The following RFWD3 variants were observed in gnomAD, a reference collection of about 807,000 sequenced individuals.
The protein encoded by RFWD3 is E3 ubiquitin-protein ligase RFWD3.
A neutral mutation model predicts 87.7 loss-of-function variants in RFWD3; 65 were observed. That is an observed-to-expected ratio of 0.74 (90% CI 0.61 to 0.91). The LOEUF (loss-of-function observed/expected upper bound fraction) is 0.91, where lower values mean the gene tolerates loss of function less well. RFWD3 is among the 40% of genes least tolerant of loss of function. The pLI, the probability that RFWD3 is intolerant of heterozygous loss-of-function variation, is 0.00. For missense variants in RFWD3, 1,078 were observed against 938.5 expected (o/e 1.15, Z -1.94); for synonymous variants, 433 against 352.8 (o/e 1.23, Z -2.55).
At chr16:74,665,081 T>C (rs2144390621) in intron 1 of RFWD3, among the ~76,000 whole-genome samples, 1 of 152,260 alleles carries the variant, frequency 6.6e-6, no homozygotes, top group African/African-American at 2.4e-5. Context: ...CAGGTTTCAA[T>C]CAATGGCCAC....
At chr16:74,655,654 C>CT (rs1184429679) in intron 2 of RFWD3, among the ~76,000 whole-genome samples, 2 of 151,534 alleles carry the variant, frequency 1.3e-5, no homozygotes, top group African/African-American at 2.4e-5. Context: ...GAGTCTCGCT[C>CT]TGTCACCCAG....
intron 8 of RFWD3, 113 bp from the exon 9 acceptor site, chr16:74,632,786 G>C: frequency 1.1e-6 from 1 of 926,764 alleles, no homozygotes; most frequent in Non-Finnish European, 1.6e-6. Flanking sequence ...AAGTCCTTGG[G>C]AACCAGCTGG....
At chr16:74,655,292 T>C (rs897629599) in intron 2 of RFWD3, among the ~76,000 whole-genome samples, 1 of 151,796 alleles carries the variant, frequency 6.6e-6, no homozygotes, top group Non-Finnish European at 1.5e-5. Context: ...CAGGTTAGAG[T>C]GCAGTGGCGT....
At position 74,652,065 on chromosome 16, in the gene RFWD3, T is replaced by C. The variant is rs759277374; in HGVS notation, c.576A>G (p.Pro192=). 29 of 1,614,168 alleles carry C rather than the reference T, an allele frequency of 1.8e-5. No individual in the cohort carries two copies. Among genetic ancestry groups the C allele is most frequent in the Non-Finnish European group, 2.5e-5 (29 of 1,180,038 alleles). ...TAGTCTCTGAATCATAAGTGGTAGC[T>C]GGCAAGTCAGGCTGGGTCCTGCTCA... ...FQVSRTQPDL[P]ATTYDSETRN... The change falls in exon 3 of 13, where the codon CCA becomes CCG. Residue 192 remains proline (P), a synonymous_variant. Coordinates refer to ENST00000361070, the MANE Select transcript of RFWD3 (RefSeq NM_018124.4).
intron 10 of RFWD3, 25 bp downstream of exon 10, chr16:74,630,756 A>T: frequency 6.4e-7 from 1 of 1,557,382 alleles, no homozygotes; most frequent in Non-Finnish European, 8.7e-7. Context: ...TGCTACCACC[A>T]GGAAAAGAGT....
Position 74,661,443 on chromosome 16 carries a change from G to T in RFWD3, c.7C>A (p.His3Asn). Residue 3 changes from histidine (H) to asparagine (N), a missense_variant, in exon 2 of 13, where the codon CAT (histidine) becomes AAT (asparagine). By Grantham distance (68) the His-to-Asn change is moderately conservative (BLOSUM62 1). Coordinates refer to ENST00000361070, the MANE Select transcript of RFWD3 (RefSeq NM_018124.4). MA[H>N]EAMEYDVQVQ... ...TGAACATCATATTCCATTGCTTCAT[G>T]AGCCATCACTAGAGAAACAGTATTT... is the stretch of plus-strand genomic sequence containing the variant. 1 of 1,606,310 alleles carries T rather than the reference G, an allele frequency of 6.2e-7. No homozygotes were observed. The highest frequency in any genetic ancestry group is 1.7e-5 in the Admixed American group (1 of 57,986).
intron 2 of RFWD3, among the ~76,000 whole-genome samples, chr16:74,655,752 T>C (rs1410933744): frequency 6.6e-6 from 1 of 151,998 alleles, no homozygotes; most frequent in Non-Finnish European, 1.5e-5. Flanking sequence ...CTCACCCATC[T>C]CCTGACCTCG....
rs764074597 is a variant in RFWD3, at chr16:74,626,387, T to G, written c.2137A>C (p.Asn713His). The G allele has an allele frequency of 2.5e-6, 4 of 1,614,128 alleles. No homozygotes were observed. Among genetic ancestry groups the G allele is most frequent in the Non-Finnish European group, 3.4e-6 (4 of 1,180,042 alleles). Residue 713 changes from asparagine (N) to histidine (H), a missense_variant, in exon 12 of 13, where the codon AAC becomes CAC. By Grantham distance (68) the Asn-to-His change is moderately conservative. Transcript: ENST00000361070. ...TCATCCCCAGTACACACCAGGATGT[T>G]GCCATCATTCTCTGGGCTTTGGAAA... ...AIFQSPENDG[N>H]ILVCTGDEAA...
chr16:74,652,078 T>A lies in RFWD3; in HGVS notation c.563A>T (p.Gln188Leu), dbSNP rs764326136. The change falls in exon 3 of 13, where the codon CAG (glutamine) becomes CTG (leucine). Residue 188 changes from glutamine (Q) to leucine (L), a missense_variant. Transcript: ENST00000361070. The stretch of plus-strand genomic sequence containing the variant: ...ATAAGTGGTAGCTGGCAAGTCAGGC[T>A]GGGTCCTGCTCACCTGAAAGTAAGC... ...LDAYFQVSRTQPDLPATTYDS... is the reference protein window; with the variant it reads ...LDAYFQVSRTLPDLPATTYDS... 2 of 1,614,174 alleles carry A rather than the reference T, an allele frequency of 1.2e-6. No individual in the cohort carries two copies. Among genetic ancestry groups the A allele is most frequent in the Non-Finnish European group, 1.7e-6 (2 of 1,180,032 alleles).
intron 3 of RFWD3, among the ~76,000 whole-genome samples, chr16:74,651,614 G>C (rs1302624511): frequency 6.6e-6 from 1 of 152,104 alleles, no homozygotes; most frequent in Non-Finnish European, 1.5e-5. Context: ...GACAGAGCCA[G>C]ACCTTGCCTC....
At chr16:74,624,154 A>T (rs1220399943) in intron 12 of RFWD3, 83 bp from the exon 13 acceptor site, 6 of 1,489,342 alleles carry the variant, frequency 4.0e-6, no homozygotes, top group Non-Finnish European at 5.4e-6. Context: ...AACAAGTCTG[A>T]AAGGCTGCAG....
intron 9 of RFWD3, 30 bp downstream of exon 9, chr16:74,632,493 A>C: frequency 6.2e-7 from 1 of 1,611,886 alleles, no homozygotes; most frequent in Non-Finnish European, 8.5e-7. Flanking sequence ...CAAAGAGCCC[A>C]GTCTCCACCT....
At chr16:74,639,286 C>A (rs1440678298) in intron 6 of RFWD3, among the ~76,000 whole-genome samples, 3 of 152,182 alleles carry the variant, frequency 2.0e-5, no homozygotes, top group African/African-American at 7.2e-5. Context: ...GATCCACCTG[C>A]CTCAGCCTCC....
At chr16:74,638,032 G>A in intron 6 of RFWD3, 62 bp from the exon 7 acceptor site, 1 of 1,098,946 alleles carries the variant, frequency 9.1e-7, no homozygotes, top group African/African-American at 1.5e-5. Context: ...TTCCCATCCA[G>A]GTGGCAGAGT....
chr16:74,646,404 T>A (rs1262670069), intron 4 of RFWD3, among the ~76,000 whole-genome samples: 1 of 151,974 alleles, frequency 6.6e-6, no homozygotes. Context: ...ATGATTTATA[T>A]AAAGAAAAAA....
At chr16:74,649,039 A>T (rs1369195014) in intron 4 of RFWD3, 93 bp downstream of exon 4, 6 of 717,004 alleles carry the variant, frequency 8.4e-6, no homozygotes, top group Non-Finnish European at 1.3e-5. Context: ...TTATGACTGC[A>T]CCACTGCACT....
intron 6 of RFWD3, among the ~76,000 whole-genome samples, chr16:74,643,776 C>T (rs547807594): frequency 5.3e-4 from 80 of 149,634 alleles, no homozygotes; most frequent in African/African-American, 1.7e-3. Flanking sequence ...CACGGGTTCA[C>T]GCCATTCTCC....
chr16:74,666,658 G>A (rs1227189990), intron 1 of RFWD3, 128 bp downstream of exon 1: 4 of 152,320 alleles, frequency 2.6e-5, no homozygotes, highest in Admixed American at 6.5e-5. Context: ...CAGGCCGCCG[G>A]GTTCCAAGCC....
At chr16:74,639,407 G>A (rs180683448) in intron 6 of RFWD3, among the ~76,000 whole-genome samples, 1 of 152,134 alleles carries the variant, frequency 6.6e-6, no homozygotes, top group Non-Finnish European at 1.5e-5. Context: ...TAATCTTATG[G>A]GGCCACCATC....
Sources: gnomAD v4.1 joint callset for allele counts (sites outside exome capture counted in the v4.1 genomes callset) on GRCh38, gnomAD v4.1.1 for gene constraint, MANE v1.5 for transcripts, NCBI Gene and HGNC (gene_info 2026-07-23, HGNC 2026-07-21) for gene names.